Variants in EEF1AKMT4 observed in about 807,000 individuals in gnomAD.
The protein encoded by EEF1AKMT4 is EEF1A lysine methyltransferase 4, also known as eukaryotic translation elongation factor 1 alpha lysine specific methyltransferase 4.
A neutral mutation model predicts 23.0 loss-of-function variants in EEF1AKMT4; 17 were observed. The observed-to-expected ratio is 0.74, with a 90% CI of 0.51 to 1.11. The LOEUF (loss-of-function observed/expected upper bound fraction) is 1.11. Among genes scored for constraint, EEF1AKMT4 ranks in the 50% least tolerant of loss-of-function variants. The pLI, the probability that EEF1AKMT4 is intolerant of heterozygous loss-of-function variation, is 0.00. For missense variants in EEF1AKMT4, 318 were observed against 333.4 expected (o/e 0.95, Z 0.36); for synonymous variants, 140 against 141.4 (o/e 0.99, Z 0.07).
chr3:184,258,531 C>T lies in EEF1AKMT4; in HGVS notation c.724C>T (p.Gln242Ter). The change falls in exon 3 of 3, where the codon CAG (glutamine) becomes TAG (stop). Residue 242 changes from glutamine (Q) to a stop codon, truncating the protein, a stop_gained. Transcript: ENST00000324557. LOFTEE classifies it high-confidence loss of function. ...PRPPTSPCFL[Q>*]DSDHEDFLSA... The stretch of plus-strand genomic sequence containing the variant: ...ACCTCCCACCTCACCTTGCTTCCTT[C>T]AGGACTCAGATCATGAGGACTTCCT... The T allele has an allele frequency of 1.9e-6, 3 of 1,609,382 alleles. No individual in the cohort carries two copies. Among genetic ancestry groups the T allele is most frequent in the African/African-American group, 1.3e-5 (1 of 74,976 alleles).
chr3:184,252,588 A>G lies in EEF1AKMT4; in HGVS notation c.196+2698A>G, dbSNP rs185628615. 2.0e-5 allele frequency among the ~76,000 whole-genome samples: 3 copies of G among 152,300 alleles called. No homozygotes were observed. In the East Asian group the frequency reaches 5.8e-4, roughly 29 times the overall value. On this transcript the variant is annotated intron_variant, in intron 1 of 2. Coordinates refer to ENST00000324557, the MANE Select transcript of EEF1AKMT4 (RefSeq NM_032331.4). ...ATTTTTTAGGCTTTGCAGGCTACACAGTCTCTTTTACAATGACTTGGTTCC... is the reference window on the plus strand; with the variant it reads ...ATTTTTTAGGCTTTGCAGGCTACACGGTCTCTTTTACAATGACTTGGTTCC...
chr3:184,257,772 G>C lies in EEF1AKMT4; in HGVS notation c.480+16G>C. The C allele has an allele frequency of 6.2e-7, 1 of 1,602,188 alleles. No individual in the cohort carries two copies. Among genetic ancestry groups the C allele is most frequent in the African/African-American group, 1.3e-5 (1 of 74,830 alleles). ...GTTGAGTGAGGTGAGGGAGCAACAA[G>C]AGAGGAAAGCAGATCAATAGGTGGG... On this transcript the variant is annotated intron_variant, in intron 2 of 2. Coordinates refer to ENST00000324557, the MANE Select transcript of EEF1AKMT4 (RefSeq NM_032331.4).
intron 1 of EEF1AKMT4, among the ~76,000 whole-genome samples, chr3:184,251,102 A>G (rs113510131): frequency 6.1e-4 from 75 of 123,958 alleles, no homozygotes; most frequent in Non-Finnish European, 9.9e-4. Flanking sequence ...AAAAAAAAAA[A>G]AAGAAAAGAA....
intron 1 of EEF1AKMT4, among the ~76,000 whole-genome samples, chr3:184,252,849 A>G (rs955559858): frequency 5.3e-5 from 8 of 151,908 alleles, no homozygotes; most frequent in African/African-American, 1.9e-4. Flanking sequence ...AGGCTGAGGC[A>G]AGAGAATTAA....
intron 1 of EEF1AKMT4, among the ~76,000 whole-genome samples, chr3:184,251,670 C>G (rs1258760836): frequency 2.0e-5 from 3 of 152,150 alleles, no homozygotes; most frequent in Non-Finnish European, 4.4e-5. Flanking sequence ...CCAATGGGCT[C>G]CAGCCTAGGC....
intron 1 of EEF1AKMT4, among the ~76,000 whole-genome samples, chr3:184,256,727 A>G (rs548150233): frequency 4.0e-5 from 6 of 151,456 alleles, no homozygotes; most frequent in Admixed American, 6.6e-5. Flanking sequence ...CTAGAGTGCA[A>G]TGGCACAATC....
chr3:184,250,004 T>C lies in EEF1AKMT4; in HGVS notation c.196+114T>C, dbSNP rs937718713. Reference sequence around the variant, plus strand: ...CTATCCCTCTTGGAGGACGCCTGCGTTGGGACGCGAGATCCAGCTCCTTCA... The same window carrying C: ...CTATCCCTCTTGGAGGACGCCTGCGCTGGGACGCGAGATCCAGCTCCTTCA... On this transcript the variant is annotated intron_variant, in intron 1 of 2. Transcript: ENST00000324557. 1.1e-5 allele frequency: 13 copies of C among 1,207,126 alleles called. No homozygotes were observed. The African/African-American group carries it at 1.5e-4, about 14-fold the overall frequency. The allele number at this position is 1,207,126 out of a possible 1,614,324, so 74.8% of individuals were successfully genotyped here.
At position 184,249,681 on chromosome 3, in the gene EEF1AKMT4, C is replaced by G. The variant is rs111287000; in HGVS notation, c.-14C>G. 17 of 1,580,162 alleles carry G rather than the reference C, an allele frequency of 1.1e-5. No individual in the cohort carries two copies. Among genetic ancestry groups the G allele is most frequent in the Middle Eastern group, 1.7e-4 (1 of 5,948 alleles). On this transcript the variant is annotated 5_prime_UTR_variant, in exon 1 of 3. Coordinates refer to ENST00000324557, the MANE Select transcript of EEF1AKMT4 (RefSeq NM_032331.4). The stretch of plus-strand genomic sequence containing the variant: ...TGAAGGGCCGGCGGCTCTGGCTGCC[C>G]GGCGGTTGAGAGCATGGCCTCTCCA...
In EEF1AKMT4 at chr3:184,257,616, G is replaced by A. The variant is rs749806403; in HGVS notation, c.340G>A (p.Val114Met). ...GCAGCTGCGCTGGGAGACCATGGAT[G>A]TGCGGAAGCTGGACTTCCCCAGTGC... ...VPQLRWETMD[V>M]RKLDFPSASF... Residue 114 changes from valine (V) to methionine (M), a missense_variant, in exon 2 of 3, where the codon GTG (valine) becomes ATG (methionine). By Grantham distance (21) the Val-to-Met change is conservative (BLOSUM62 1). Coordinates refer to ENST00000324557, the MANE Select transcript of EEF1AKMT4 (RefSeq NM_032331.4). 9.3e-6 allele frequency: 15 copies of A among 1,614,218 alleles called. 1 individual carries two copies. The highest frequency in any genetic ancestry group is 1.2e-5 in the Non-Finnish European group (14 of 1,180,058).
At chr3:184,252,997 T>C (rs1429494459) in intron 1 of EEF1AKMT4, among the ~76,000 whole-genome samples, 7 of 125,128 alleles carry the variant, frequency 5.6e-5, no homozygotes, top group African/African-American at 2.1e-4. Flanking sequence ...CATGTTTCAA[T>C]ATAACTTTAT....
intron 1 of EEF1AKMT4, among the ~76,000 whole-genome samples, chr3:184,250,663 TAATA>T (rs1277582765): frequency 2.6e-5 from 4 of 152,182 alleles, no homozygotes; most frequent in African/African-American, 9.7e-5. Context: ...GTGAAGTCTT[TAATA>T]AATAAAAAAG....
At position 184,256,764 on chromosome 3, in the gene EEF1AKMT4, G is replaced by A. The variant is rs576966759; in HGVS notation, c.197-709G>A. Among the ~76,000 whole-genome samples the A allele has an allele frequency of 9.4e-4, 142 of 151,174 alleles. 2 individuals are homozygous for A. The highest frequency in any genetic ancestry group is 7.0e-3 in the South Asian group (33 of 4,740). On this transcript the variant is annotated intron_variant, in intron 1 of 2. Coordinates refer to ENST00000324557, the MANE Select transcript of EEF1AKMT4 (RefSeq NM_032331.4). ...TGGCTCACCGCAATCTCCGCCTCCC[G>A]GGTTCAAGCAATTCTCCTGCCTCAG...
At chr3:184,255,663 C>T (rs1209878439) in intron 1 of EEF1AKMT4, among the ~76,000 whole-genome samples, 2 of 152,230 alleles carry the variant, frequency 1.3e-5, no homozygotes, top group African/African-American at 4.8e-5. Flanking sequence ...CACATCCACT[C>T]CTCTCACCTC....
At chr3:184,253,655 T>C (rs1719656263) in intron 1 of EEF1AKMT4, among the ~76,000 whole-genome samples, 1 of 147,740 alleles carries the variant, frequency 6.8e-6, no homozygotes, top group Non-Finnish European at 1.5e-5. Context: ...AAAATGGGAA[T>C]AGTAATAATA....
chr3:184,257,533 G>C lies in EEF1AKMT4; in HGVS notation c.257G>C (p.Ser86Thr). The C allele has an allele frequency of 2.5e-6, 4 of 1,614,150 alleles. No homozygotes were observed. The highest frequency in any genetic ancestry group is 3.4e-6 in the Non-Finnish European group (4 of 1,180,042). ...CTCGGAGGCTTCCCTAATGTGACCA[G>C]TGTGGACTACTCATCAGTCGTGGTG... The part of the protein sequence containing the change: ...LFLGGFPNVT[S>T]VDYSSVVVAA... Residue 86 changes from serine to threonine, a missense_variant, in exon 2 of 3, where the codon AGT becomes ACT. Coordinates refer to ENST00000324557, the MANE Select transcript of EEF1AKMT4 (RefSeq NM_032331.4).
rs1439528702 is a variant in EEF1AKMT4, at chr3:184,257,480, G to A, written c.204G>A (p.Gly68=). Residue 68 remains glycine (G), a synonymous_variant, in exon 2 of 3, where the codon GGG becomes GGA. Transcript: ENST00000324557. The part of the protein sequence containing the change: ...PEDRILVLGC[G]NSALSYELFL... ...CATTCCCTCCCACCCCAGGTTGCGGGAACAGTGCCCTGAGCTACGAGCTGT... is the reference window on the plus strand; with the variant it reads ...CATTCCCTCCCACCCCAGGTTGCGGAAACAGTGCCCTGAGCTACGAGCTGT... 10 of 1,597,990 alleles carry A rather than the reference G, an allele frequency of 6.3e-6. No homozygotes were observed. The highest frequency in any genetic ancestry group is 8.6e-6 in the Non-Finnish European group (10 of 1,167,294).
intron 1 of EEF1AKMT4, among the ~76,000 whole-genome samples, chr3:184,254,127 G>C (rs1719685051): frequency 6.6e-6 from 1 of 152,192 alleles, no homozygotes; most frequent in Admixed American, 6.6e-5. Flanking sequence ...TCAGAGAACA[G>C]AGTACCCTGT....
At chr3:184,254,845 G>C (rs1207305690) in intron 1 of EEF1AKMT4, among the ~76,000 whole-genome samples, 1 of 152,154 alleles carries the variant, frequency 6.6e-6, no homozygotes. Flanking sequence ...ATCTCTTGGT[G>C]TTGAGTTAGG....
At position 184,258,715 on chromosome 3, in the gene EEF1AKMT4, C is replaced by G; in HGVS notation, c.*140C>G. The G allele has an allele frequency of 7.0e-7, 1 of 1,429,958 alleles. No individual in the cohort carries two copies. The highest frequency in any genetic ancestry group is 9.1e-7 in the Non-Finnish European group (1 of 1,096,484). The allele number at this position is 1,429,958 out of a possible 1,614,324, so 88.6% of individuals were successfully genotyped here. On this transcript the variant is annotated 3_prime_UTR_variant, in exon 3 of 3. Transcript: ENST00000324557. ...TCATGCCTAAGATAGAGGGTGGGAG[C>G]GAACCCACATGAACCAATACAGCCC... is the stretch of plus-strand genomic sequence containing the variant.
Sources: gnomAD v4.1 joint callset for allele counts (sites outside exome capture counted in the v4.1 genomes callset) on GRCh38, gnomAD v4.1.1 for gene constraint, MANE v1.5 for transcripts, NCBI Gene and HGNC (gene_info 2026-07-23, HGNC 2026-07-21) for gene names.